Variants in HSD17B2 observed in about 807,000 individuals in gnomAD.
HSD17B2 encodes the protein 17-beta-hydroxysteroid dehydrogenase type 2.
In HSD17B2, 32 loss-of-function variants were observed where a neutral mutation model predicts 26.9. That is an observed-to-expected ratio of 1.19 (90% confidence interval 0.90 to 1.60). HSD17B2 has a LOEUF of 1.60. Ranked by LOEUF, HSD17B2 falls within the 40% of genes most tolerant of loss-of-function variation. HSD17B2 has a pLI of 0.00. For missense variants in HSD17B2, 613 were observed against 468.6 expected (o/e 1.31, Z -2.85); for synonymous variants, 246 against 186.7 (o/e 1.32, Z -2.59).
chr16:82,075,808 T>C (rs1904297899), intron 3 of HSD17B2, among the ~76,000 whole-genome samples: 1 of 151,728 alleles, frequency 6.6e-6, no homozygotes, highest in Non-Finnish European at 1.5e-5. Context: ...CTAATACCGA[T>C]TGTACTCGAG....
intron 4 of HSD17B2, 24 bp downstream of exon 4, chr16:82,091,063 T>C: frequency 6.2e-7 from 1 of 1,612,856 alleles, no homozygotes; most frequent in Non-Finnish European, 8.5e-7. Context: ...CCCAAGAACC[T>C]GTGATGTTCA....
intron 1 of HSD17B2, 143 bp downstream of exon 1, chr16:82,035,832 A>C: frequency 1.1e-6 from 1 of 883,612 alleles, no homozygotes; most frequent in Non-Finnish European, 1.7e-6. Context: ...TTTTCATGAC[A>C]CTGTTTTCGT....
intron 1 of HSD17B2, among the ~76,000 whole-genome samples, chr16:82,061,972 T>C (rs61537150): frequency 7.9e-5 from 12 of 152,204 alleles, no homozygotes; most frequent in Admixed American, 5.9e-4. Flanking sequence ...TCAAGAGGCC[T>C]GGCCTGAAGA....
intron 1 of HSD17B2, among the ~76,000 whole-genome samples, chr16:82,043,851 T>G (rs954434158): frequency 1.3e-5 from 2 of 152,186 alleles, no homozygotes; most frequent in African/African-American, 4.8e-5. Flanking sequence ...GTGGAAGTTA[T>G]TTCATTTTTA....
chr16:82,049,195 A>G (rs1324629765), intron 1 of HSD17B2, among the ~76,000 whole-genome samples: 2 of 152,162 alleles, frequency 1.3e-5, no homozygotes, highest in Non-Finnish European at 2.9e-5. Flanking sequence ...ATATTTGGCA[A>G]TTCTGGAGAT....
intron 4 of HSD17B2, chr16:82,096,948 T>C (rs955775132): frequency 2.0e-5 from 3 of 151,438 alleles, no homozygotes; most frequent in African/African-American, 7.3e-5. Context: ...ATCAGGAAAA[T>C]GGTTACTGAG....
At chr16:82,039,097 T>C (rs1913697556) in intron 1 of HSD17B2, among the ~76,000 whole-genome samples, 2 of 152,022 alleles carry the variant, frequency 1.3e-5, no homozygotes, top group South Asian at 2.1e-4. Flanking sequence ...AAGTGCACCA[T>C]GGATTGATGC....
intron 4 of HSD17B2, chr16:82,092,383 C>T (rs1023882623): frequency 1.3e-5 from 2 of 152,152 alleles, no homozygotes; most frequent in Non-Finnish European, 2.9e-5. Flanking sequence ...GGCCATCAAA[C>T]ATTTAACCGA....
chr16:82,080,935 G>A (rs766383559), intron 3 of HSD17B2, among the ~76,000 whole-genome samples: 5 of 152,060 alleles, frequency 3.3e-5, no homozygotes, highest in African/African-American at 9.7e-5. Context: ...TGTGGTTGTT[G>A]TTGTTTTTGT....
intron 1 of HSD17B2, among the ~76,000 whole-genome samples, chr16:82,058,507 G>C (rs1433777810): frequency 6.6e-6 from 1 of 152,084 alleles, no homozygotes; most frequent in Non-Finnish European, 1.5e-5. Flanking sequence ...TCTTACCTTA[G>C]GTTGCAAGCA....
chr16:82,050,055 C>T (rs188873673), intron 1 of HSD17B2, among the ~76,000 whole-genome samples: 6 of 152,236 alleles, frequency 3.9e-5, no homozygotes, highest in South Asian at 4.1e-4. Flanking sequence ...AGAGCGCCTC[C>T]GTCCCAGGTG....
At chr16:82,066,924 C>T (rs1225893494) in intron 1 of HSD17B2, among the ~76,000 whole-genome samples, 1 of 152,140 alleles carries the variant, frequency 6.6e-6, no homozygotes, top group Non-Finnish European at 1.5e-5. Context: ...TGCTTTTATA[C>T]AGTGTTGTAA....
chr16:82,046,352 T>C lies in HSD17B2; in HGVS notation c.265+10663T>C, dbSNP rs1913928158. Among the ~76,000 whole-genome samples the C allele has an allele frequency of 8.5e-5, 13 of 152,250 alleles. No homozygotes were observed. The South Asian group carries it at 2.7e-3, about 32-fold the overall frequency. ...GCCACCTTGTATCAGAGGCTTCCTA[T>C]GTGTCAGATACTGTAAGGAGCACTT... On this transcript the variant is annotated intron_variant, in intron 1 of 4. Coordinates refer to ENST00000199936, the MANE Select transcript of HSD17B2 (RefSeq NM_002153.3).
chr16:82,040,732 T>C (rs1396868942), intron 1 of HSD17B2, among the ~76,000 whole-genome samples: 1 of 152,176 alleles, frequency 6.6e-6, no homozygotes, highest in African/African-American at 2.4e-5. Context: ...GGGCTAGGGA[T>C]GTTTGCAGAG....
intron 1 of HSD17B2, among the ~76,000 whole-genome samples, chr16:82,057,855 G>C (rs544809304): frequency 3.1e-4 from 47 of 152,266 alleles, no homozygotes; most frequent in South Asian, 1.0e-3. Context: ...TCAGGTCTGA[G>C]AACCTGTCAT....
In HSD17B2 at chr16:82,035,469, C is replaced by A. The variant is rs1410795742; in HGVS notation, c.45C>A (p.Val15=). The change falls in exon 1 of 5, where the codon GTC becomes GTA. Residue 15 remains valine, a synonymous_variant. Coordinates refer to ENST00000199936, the MANE Select transcript of HSD17B2 (RefSeq NM_002153.3). ...ACACAGCATGGATCTGCCTGGCTGT[C>A]CCCACAGTACTATGTGGGACAGTAT... ...FSDTAWICLA[V]PTVLCGTVFC... is the part of the protein sequence containing the mutation. 6.2e-7 allele frequency: 1 copy of A among 1,613,606 alleles called. No individual in the cohort carries two copies. The highest frequency in any genetic ancestry group is 8.5e-7 in the Non-Finnish European group (1 of 1,179,804).
At chr16:82,065,703 G>T (rs950362972) in intron 1 of HSD17B2, among the ~76,000 whole-genome samples, 5 of 152,194 alleles carry the variant, frequency 3.3e-5, no homozygotes, top group Non-Finnish European at 4.4e-5. Context: ...CCTGGGATTA[G>T]CTTGCCCAAA....
chr16:82,084,894 G>A (rs1904481630), intron 3 of HSD17B2, among the ~76,000 whole-genome samples: 1 of 152,162 alleles, frequency 6.6e-6, no homozygotes, highest in Non-Finnish European at 1.5e-5. Flanking sequence ...CATCACATCT[G>A]CTAATTTATT....
intron 1 of HSD17B2, among the ~76,000 whole-genome samples, chr16:82,057,680 T>C (rs1914314048): frequency 6.6e-6 from 1 of 152,216 alleles, no homozygotes; most frequent in African/African-American, 2.4e-5. Context: ...GTACCCTTAA[T>C]GTGATGTGAT....
Sources: gnomAD v4.1 joint callset for allele counts (sites outside exome capture counted in the v4.1 genomes callset) on GRCh38, gnomAD v4.1.1 for gene constraint, MANE v1.5 for transcripts, NCBI Gene and HGNC (gene_info 2026-07-23, HGNC 2026-07-21) for gene names.